The following DMXL2 variants were observed in gnomAD, a reference collection of about 807,000 sequenced individuals.
DMXL2 encodes the protein Dmx like 2, also known as dmX-like protein 2.
DMXL2 carries 103 observed loss-of-function variants against 331.1 expected under a neutral mutation model. The observed-to-expected ratio is 0.31, with a 90% CI of 0.27 to 0.37. The LOEUF (loss-of-function observed/expected upper bound fraction) is 0.37, where lower values mean the gene tolerates loss of function less well. Among genes scored for constraint, DMXL2 ranks in the 10% least tolerant of loss-of-function variants. The pLI is 1.00. For missense variants in DMXL2, 3,171 were observed against 3,642.9 expected, an observed-to-expected ratio of 0.87 and a Z score of 3.33; for synonymous variants, 1,281 against 1,252.1, an observed-to-expected ratio of 1.02 and a Z score of -0.49.
At chr15:51,457,809 T>C (rs983132722) in intron 36 of DMXL2, 21 of 197,080 alleles carry the variant, frequency 1.1e-4, no homozygotes, top group African/African-American at 4.9e-4. Flanking sequence ...AGTTTAAAGA[T>C]TTCTTGGAGT....
intron 1 of DMXL2, 31 bp downstream of exon 1, chr15:51,622,428 T>G (rs2054713457): frequency 1.3e-6 from 2 of 1,551,480 alleles, no homozygotes; most frequent in Non-Finnish European, 1.7e-6. Context: ...GCCCCTGGTA[T>G]CTTCCCCTAG....
chr15:51,519,341 C>T (rs972871230), intron 13 of DMXL2, among the ~76,000 whole-genome samples: 1 of 152,064 alleles, frequency 6.6e-6, no homozygotes, highest in Non-Finnish European at 1.5e-5. Flanking sequence ...TAGTCTCAAA[C>T]TCTTGGCCTC....
chr15:51,568,419 T>G, intron 3 of DMXL2, 68 bp downstream of exon 3: 1 of 1,110,180 alleles, frequency 9.0e-7, no homozygotes, highest in East Asian at 2.7e-5. Context: ...AGGAGCTTTT[T>G]ATTAACATCA....
At chr15:51,578,500 T>C (rs567709014) in intron 1 of DMXL2, among the ~76,000 whole-genome samples, 4 of 152,210 alleles carry the variant, frequency 2.6e-5, no homozygotes, top group Non-Finnish European at 5.9e-5. Context: ...ATAGTTCAAA[T>C]TGGATGCATC....
At chr15:51,535,843 C>T (rs894589672) in intron 12 of DMXL2, 59 bp from the exon 13 acceptor site, 2 of 1,524,990 alleles carry the variant, frequency 1.3e-6, no homozygotes, top group Non-Finnish European at 1.8e-6. Flanking sequence ...TTCTTATTGG[C>T]TAAAGGATAA....
In DMXL2 at chr15:51,535,668, A is replaced by G; in HGVS notation, c.2431T>C (p.Ser811Pro). The G allele has an allele frequency of 6.3e-7, 1 of 1,593,514 alleles. No individual in the cohort carries two copies. Among genetic ancestry groups the G allele is most frequent in the Non-Finnish European group, 8.5e-7 (1 of 1,172,506 alleles). Reference protein sequence around the residue: ...KLLDELSDPESSKLIGEVFNI... With the variant: ...KLLDELSDPEPSKLIGEVFNI... ...AAAGATTATTAAATACTTACTGAAG[A>G]TTCTGGGTCTGACAATTCATCTAAT... is the stretch of plus-strand genomic sequence containing the variant. The change falls in exon 13 of 44, where the codon TCT becomes CCT. Residue 811 changes from serine to proline, a missense_variant. Physicochemically the swap from Ser to Pro is moderately conservative, Grantham distance 74 (BLOSUM62 -1). Transcript: ENST00000560891.
intron 40 of DMXL2, among the ~76,000 whole-genome samples, chr15:51,454,599 C>T (rs927507557): frequency 5.9e-5 from 9 of 152,052 alleles, no homozygotes; most frequent in Admixed American, 2.6e-4. Flanking sequence ...TGGGTTCAAG[C>T]GATTCTCCTG....
At chr15:51,595,340 A>G (rs1287824491) in intron 1 of DMXL2, among the ~76,000 whole-genome samples, 1 of 152,252 alleles carries the variant, frequency 6.6e-6, no homozygotes, top group Admixed American at 6.5e-5. Context: ...AAGAGAATAA[A>G]ATATCTAGGA....
chr15:51,482,770 T>C (rs2042106671), intron 23 of DMXL2, among the ~76,000 whole-genome samples: 1 of 152,184 alleles, frequency 6.6e-6, no homozygotes, highest in Non-Finnish European at 1.5e-5. Flanking sequence ...AAGAACAATC[T>C]GAGCATCCAT....
chr15:51,593,010 T>G (rs1191713432), intron 1 of DMXL2, among the ~76,000 whole-genome samples: 1 of 152,196 alleles, frequency 6.6e-6, no homozygotes, highest in Non-Finnish European at 1.5e-5. Flanking sequence ...CATCAACTAA[T>G]GAGCAAAATA....
chr15:51,498,748 T>G lies in DMXL2; in HGVS notation c.4476A>C (p.Lys1492Asn). Reference sequence around the variant, plus strand: ...ATTGAGAAAGATTTATTACTTTTGATTTGTTTTCTCTCTTTTCAGGCTCTA... The same window carrying G: ...ATTGAGAAAGATTTATTACTTTTGAGTTGTTTTCTCTCTTTTCAGGCTCTA... ...IDLEPEKRENKSKVINLSQYG... is the reference protein window; with the variant it reads ...IDLEPEKRENNSKVINLSQYG... Residue 1492 changes from lysine to asparagine, a missense_variant, in exon 18 of 44, where the codon AAA becomes AAC. By Grantham distance (94) the Lys-to-Asn change is moderately conservative (BLOSUM62 0). Around this residue, in one of 7 missense-constraint regions of DMXL2, gnomAD observed 1,674 missense variants for 1,780.2 expected, o/e 0.94. Coordinates refer to ENST00000560891, the MANE Select transcript of DMXL2 (RefSeq NM_001378457.1). 1.9e-6 allele frequency: 3 copies of G among 1,614,194 alleles called. No individual in the cohort carries two copies. The highest frequency in any genetic ancestry group is 2.5e-6 in the Non-Finnish European group (3 of 1,180,022).
intron 1 of DMXL2, among the ~76,000 whole-genome samples, chr15:51,615,937 AAC>A (rs2054257706): frequency 6.6e-6 from 1 of 152,368 alleles, no homozygotes; most frequent in South Asian, 2.1e-4. Context: ...TTACTTGCAA[AAC>A]ACACTTACGA....
chr15:51,538,100 A>G, intron 10 of DMXL2, 113 bp downstream of exon 10: 10 of 1,350,420 alleles, frequency 7.4e-6, no homozygotes, highest in Non-Finnish European at 9.1e-6. Flanking sequence ...CTTGTGTAAC[A>G]AATAGAAAAG....
intron 19 of DMXL2, among the ~76,000 whole-genome samples, chr15:51,492,518 G>A (rs1348388597): frequency 6.6e-6 from 1 of 152,096 alleles, no homozygotes; most frequent in African/African-American, 2.4e-5. Flanking sequence ...CCTGGGAGAA[G>A]ACTGACAGGG....
chr15:51,486,948 T>C lies in DMXL2; in HGVS notation c.5218-611A>G, dbSNP rs1274416916. Among the ~76,000 whole-genome samples the C allele has an allele frequency of 9.9e-5, 15 of 152,246 alleles. No individual in the cohort carries two copies. In the South Asian group the frequency reaches 3.1e-3, roughly 31 times the overall value. The stretch of plus-strand genomic sequence containing the variant: ...AAAAAAGAAACTCATATGCCTGGGA[T>C]AATTGTAAAAAAAAACCCAACTAAT... On this transcript the variant is annotated intron_variant, in intron 22 of 43. Coordinates refer to ENST00000560891, the MANE Select transcript of DMXL2 (RefSeq NM_001378457.1).
intron 1 of DMXL2, among the ~76,000 whole-genome samples, chr15:51,599,014 G>A (rs1344061846): frequency 6.6e-6 from 1 of 152,186 alleles, no homozygotes; most frequent in Non-Finnish European, 1.5e-5. Context: ...GTAAAGAAGA[G>A]CGTTCCTTAT....
At chr15:51,550,106 G>A (rs1219672181) in intron 6 of DMXL2, among the ~76,000 whole-genome samples, 2 of 152,130 alleles carry the variant, frequency 1.3e-5, no homozygotes, top group East Asian at 1.9e-4. Context: ...TACTAGAGTT[G>A]TAGGGATGGT....
chr15:51,507,630 A>G (rs2046487036), intron 15 of DMXL2, among the ~76,000 whole-genome samples: 1 of 152,212 alleles, frequency 6.6e-6, no homozygotes, highest in Non-Finnish European at 1.5e-5. Flanking sequence ...AAGCAGCAGC[A>G]GAAGAATGGG....
At chr15:51,496,776 G>A (rs1047077289) in intron 18 of DMXL2, among the ~76,000 whole-genome samples, 7 of 152,122 alleles carry the variant, frequency 4.6e-5, no homozygotes, top group Admixed American at 3.3e-4. Context: ...CTGGATACTG[G>A]GTATGAGAGA....
Sources: gnomAD v4.1 joint callset for allele counts (sites outside exome capture counted in the v4.1 genomes callset) on GRCh38, gnomAD v4.1.1 for gene constraint, gnomAD v4.1.1 regional missense constraint, MANE v1.5 for transcripts, NCBI Gene and HGNC (gene_info 2026-07-23, HGNC 2026-07-21) for gene names.